TDP1: variants seen among roughly 807,000 people sequenced by gnomAD.
The protein encoded by TDP1 is tyrosyl-DNA phosphodiesterase 1, also known as tyr-DNA phosphodiesterase 1.
In TDP1, 64 loss-of-function variants were observed where a neutral mutation model predicts 81.5. The observed-to-expected ratio is 0.79, with a 90% confidence interval of 0.64 to 0.97. TDP1 has a LOEUF of 0.97. Among genes scored for constraint, TDP1 ranks in the 50% least tolerant of loss-of-function variants. TDP1 has a pLI of 0.00. For missense variants in TDP1, 723 were observed against 743.8 expected (o/e 0.97, Z 0.33); for synonymous variants, 256 against 264.3 (o/e 0.97, Z 0.30).
chr14:90,041,355 G>C (rs2140356221), intron 16 of TDP1, among the ~76,000 whole-genome samples: 1 of 152,310 alleles, frequency 6.6e-6, no homozygotes, highest in South Asian at 2.1e-4. Flanking sequence ...AGCTTGTTTA[G>C]TTAACAAAGA....
In TDP1 at chr14:89,990,086, A is replaced by G. The variant is rs35926599; in HGVS notation, c.1366+321A>G. On this transcript the variant is annotated intron_variant, in intron 12 of 16. Transcript: ENST00000335725. ...TCAATGCGTTTTCAGAGCTTATCCA[A>G]CATACCTTCCTCTCATCTCTGCATA... Among the ~76,000 whole-genome samples the G allele has an allele frequency of 5.5e-3, 834 of 152,274 alleles. 7 individuals carry two copies. Among genetic ancestry groups the G allele is most frequent in the African/African-American group, 0.019 (800 of 41,550 alleles).
chr14:89,998,420 A>ATATATATATGTATG (rs1566891293), intron 14 of TDP1, among the ~76,000 whole-genome samples: 8 of 79,272 alleles, frequency 1.0e-4, no homozygotes, highest in African/African-American at 2.6e-4. Flanking sequence ...ATATATATAT[A>ATATATATATGTATG]TATGTATGTA....
At chr14:89,992,900 A>G in intron 13 of TDP1, 1 of 983,484 alleles carries the variant, frequency 1.0e-6, no homozygotes, top group Non-Finnish European at 1.2e-6. Flanking sequence ...GCATTTGACT[A>G]AAGTATTTCT....
chr14:90,032,983 C>T, intron 15 of TDP1, 123 bp from the exon 16 acceptor site: 2 of 1,160,500 alleles, frequency 1.7e-6, no homozygotes, highest in East Asian at 5.1e-5. Context: ...GAAAATACCT[C>T]CAAAATAATT....
At chr14:89,993,061 C>G in intron 13 of TDP1, 1 of 869,588 alleles carries the variant, frequency 1.1e-6, no homozygotes, top group Non-Finnish European at 1.4e-6. Context: ...ACAGTTCAGG[C>G]AGGAGACATA....
Position 90,019,315 on chromosome 14 carries a change from G to A in TDP1, c.1542-1G>A, listed in dbSNP as rs772532956. 1.3e-6 allele frequency: 2 copies of A among 1,599,890 alleles called. No homozygotes were observed. The highest frequency in any genetic ancestry group is 8.6e-7 in the Non-Finnish European group (1 of 1,167,586). On this transcript the variant is annotated splice_acceptor_variant, in intron 14 of 16. Transcript: ENST00000335725. LOFTEE classifies it high-confidence loss of function. ...CCCTATCTGTGTCCTTGTCTCTGCA[G>A]CGCAAATCTGTCCAAGGCTGCCTGG... is the stretch of plus-strand genomic sequence containing the variant.
At chr14:89,957,853 G>T (rs1227365579) in intron 2 of TDP1, among the ~76,000 whole-genome samples, 2 of 152,204 alleles carry the variant, frequency 1.3e-5, no homozygotes, top group Non-Finnish European at 2.9e-5. Context: ...TTATTTCAGG[G>T]CCGCTTTGCC....
chr14:90,040,629 CA>C (rs1888266665), intron 16 of TDP1, among the ~76,000 whole-genome samples: 3 of 152,248 alleles, frequency 2.0e-5, no homozygotes, highest in African/African-American at 7.2e-5. Flanking sequence ...ACCTAGCCAG[CA>C]TGCAACAAAT....
chr14:89,961,575 C>G lies in TDP1; in HGVS notation c.-7-1533C>G, dbSNP rs78856572. ...CACAGAATCTATTCTGCCAGTCTTACGATCTCTGGTCAGTTGTGTTTAAAC... is the reference window on the plus strand; with the variant it reads ...CACAGAATCTATTCTGCCAGTCTTAGGATCTCTGGTCAGTTGTGTTTAAAC... On this transcript the variant is annotated intron_variant, in intron 2 of 16. Transcript: ENST00000335725. Among the ~76,000 whole-genome samples the G allele has an allele frequency of 1.3e-3, 205 of 152,194 alleles. 1 individual carries two copies. The highest frequency in any genetic ancestry group is 6.8e-3 in the Middle Eastern group (2 of 294).
At chr14:90,001,093 A>G (rs979999864) in intron 14 of TDP1, among the ~76,000 whole-genome samples, 1 of 152,152 alleles carries the variant, frequency 6.6e-6, no homozygotes, top group Non-Finnish European at 1.5e-5. Flanking sequence ...ATTGCCTGTT[A>G]TGTCTCTACC....
intron 8 of TDP1, chr14:89,981,426 C>G (rs1012293665): frequency 4.4e-6 from 2 of 452,674 alleles, no homozygotes; most frequent in African/African-American, 4.0e-5. Context: ...AGCTATTGTT[C>G]TTGATTATGA....
intron 5 of TDP1, among the ~76,000 whole-genome samples, chr14:89,969,571 T>C (rs1215492241): frequency 6.6e-6 from 1 of 152,222 alleles, no homozygotes; most frequent in Non-Finnish European, 1.5e-5. Context: ...TTCTAGGTGC[T>C]AGATGCACGT....
Position 89,975,322 on chromosome 14 carries a change from C to T in TDP1, c.757-459C>T, listed in dbSNP as rs570830198. 1.6e-4 allele frequency: 103 copies of T among 641,808 alleles called. No individual in the cohort carries two copies. In the African/African-American group the frequency reaches 1.9e-3, roughly 12 times the overall value. The allele number at this position is 641,808 out of a possible 1,614,324, so 39.8% of individuals were successfully genotyped here. On this transcript the variant is annotated intron_variant, in intron 6 of 16. Coordinates refer to ENST00000335725, the MANE Select transcript of TDP1 (RefSeq NM_018319.4). ...CCATCTCCTGACTTCGTGATGTGCC[C>T]GCCTCAGCCTCCCAAAGTGCTGGGA...
Position 90,043,126 on chromosome 14 carries a change from A to G in TDP1, c.1810A>G (p.Met604Val), listed in dbSNP as rs770452022. 1.2e-6 allele frequency: 2 copies of G among 1,614,216 alleles called. No homozygotes were observed. The highest frequency in any genetic ancestry group is 2.2e-5 in the East Asian group (1 of 44,884). Reference protein sequence around the residue: ...YVKAPDTHGNMWVPS With the variant: ...YVKAPDTHGNVWVPS ...CAAAGCACCGGATACGCATGGGAACATGTGGGTGCCCTCCTGAGAATCTTG... is the reference window on the plus strand; with the variant it reads ...CAAAGCACCGGATACGCATGGGAACGTGTGGGTGCCCTCCTGAGAATCTTG... The change falls in exon 17 of 17, where the codon ATG becomes GTG. Residue 604 changes from methionine to valine, a missense_variant. Coordinates refer to ENST00000335725, the MANE Select transcript of TDP1 (RefSeq NM_018319.4).
At chr14:90,029,297 A>G (rs1299723044) in intron 15 of TDP1, among the ~76,000 whole-genome samples, 2 of 149,176 alleles carry the variant, frequency 1.3e-5, no homozygotes, top group Admixed American at 1.3e-4. Context: ...TTCTGGGTTC[A>G]AGTGATTCTC....
intron 7 of TDP1, among the ~76,000 whole-genome samples, chr14:89,978,397 G>T (rs147723078): frequency 5.9e-5 from 9 of 152,324 alleles, no homozygotes; most frequent in African/African-American, 2.2e-4. Flanking sequence ...ACATACGACA[G>T]AGCTTCTAGG....
intron 14 of TDP1, among the ~76,000 whole-genome samples, chr14:90,002,221 G>A (rs1897247836): frequency 6.6e-6 from 1 of 151,984 alleles, no homozygotes; most frequent in Admixed American, 6.5e-5. Flanking sequence ...TCAAACCCAG[G>A]GTCCACAGAT....
intron 5 of TDP1, among the ~76,000 whole-genome samples, chr14:89,970,087 G>A (rs1473081104): frequency 1.3e-5 from 2 of 151,392 alleles, no homozygotes; most frequent in African/African-American, 4.9e-5. Flanking sequence ...CGTTTTAGCC[G>A]GGATGGTCTC....
chr14:90,009,740 T>C (rs1217772039), intron 14 of TDP1, among the ~76,000 whole-genome samples: 2 of 152,202 alleles, frequency 1.3e-5, no homozygotes, highest in African/African-American at 4.8e-5. Flanking sequence ...AGTTTAAACA[T>C]GATTTCAAGA....
Sources: gnomAD v4.1 joint callset for allele counts (sites outside exome capture counted in the v4.1 genomes callset) on GRCh38, gnomAD v4.1.1 for gene constraint, MANE v1.5 for transcripts, NCBI Gene and HGNC (gene_info 2026-07-23, HGNC 2026-07-21) for gene names.